MOK: variants seen among roughly 807,000 people sequenced by gnomAD.
The protein encoded by MOK is MOK protein kinase, also known as MAPK/MAK/MRK overlapping kinase.
A neutral mutation model predicts 54.2 loss-of-function variants in MOK; 59 were observed. The observed-to-expected ratio is 1.09, with a 90% CI of 0.88 to 1.35. The LOEUF (loss-of-function observed/expected upper bound fraction) is 1.35, where lower values mean the gene tolerates loss of function less well. MOK is among the 40% of genes most tolerant of loss of function. The pLI, the probability that MOK is intolerant of heterozygous loss-of-function variation, is 0.00. For missense variants in MOK, 517 were observed against 526.2 expected (o/e 0.98, Z 0.17); for synonymous variants, 210 against 202.7 (o/e 1.04, Z -0.31).
rs376147107 is a variant in MOK, at chr14:102,231,665, C to T, written c.981+42G>A. 6.4e-5 allele frequency: 101 copies of T among 1,577,882 alleles called. No homozygotes were observed. Among genetic ancestry groups the T allele is most frequent in the Non-Finnish European group, 7.6e-5 (87 of 1,150,778 alleles). On this transcript the variant is annotated intron_variant, in intron 10 of 11. Transcript: ENST00000361847. This position sits in a 1 kb window ranked among gnomAD's most constrained non-coding sequence, Gnocchi z 4.4. ...CAGGCCACCCGAGGGCATCCAGTCC[C>T]GGCTGAGCTAGGCAGTCTCCGGCTC...
downstream of MOK, chr14:102,222,723 T>A: frequency 8.3e-7 from 1 of 1,204,440 alleles, no homozygotes; most frequent in South Asian, 1.2e-5. This position sits in a 1 kb window ranked among gnomAD's most constrained non-coding sequence, Gnocchi z 4.4. Context: ...GGCTTCCACA[T>A]CAACAGCACC....
At chr14:102,246,020 T>C (rs2066064166) in intron 7 of MOK, 1 of 152,522 alleles carries the variant, frequency 6.6e-6, no homozygotes, top group African/African-American at 2.4e-5. Flanking sequence ...ATGGAAACAC[T>C]CTATTACACC....
At position 102,231,480 on chromosome 14, in the gene MOK, C is replaced by A. The variant is rs1251026893; in HGVS notation, c.981+227G>T. On this transcript the variant is annotated intron_variant, in intron 10 of 11. Transcript: ENST00000361847. This position sits in a 1 kb window ranked among gnomAD's most constrained non-coding sequence, Gnocchi z 4.4. ...GGGCCTGCTCACATGGGATATTCGT[C>A]ATCAATTCTTAGCTACTGGGGCAGA... 2.0e-6 allele frequency: 1 copy of A among 507,288 alleles called. No individual in the cohort carries two copies. The highest frequency in any genetic ancestry group is 3.5e-6 in the Non-Finnish European group (1 of 282,436). The allele number at this position is 507,288 out of a possible 1,614,324, so 31.4% of individuals were successfully genotyped here. A position where few individuals can be genotyped will look rare whatever the true frequency, so the allele number is the denominator to read the frequency against.
Position 102,229,521 on chromosome 14 carries a change from C to A in MOK, c.1118G>T (p.Gly373Val), listed in dbSNP as rs755452949. The change falls in exon 11 of 12, where the codon GGA (glycine) becomes GTA (valine). Residue 373 changes from glycine to valine, a missense_variant. Physicochemically the swap from Gly to Val is moderately radical, Grantham distance 109. Transcript: ENST00000361847. Reference protein sequence around the residue: ...YSSPTLQSVLGSGTNGRVPVL... With the variant: ...YSSPTLQSVLVSGTNGRVPVL... ...CGGCACTCTTCCATTTGTTCCAGATCCAAGCACGGACTGCAGCGTGGGGCT... is the reference window on the plus strand; with the variant it reads ...CGGCACTCTTCCATTTGTTCCAGATACAAGCACGGACTGCAGCGTGGGGCT... 6.2e-7 allele frequency: 1 copy of A among 1,614,152 alleles called. No individual in the cohort carries two copies. Among genetic ancestry groups the A allele is most frequent in the South Asian group, 1.1e-5 (1 of 91,066 alleles).
chr14:102,265,284 G>A (rs574963561), intron 3 of MOK, among the ~76,000 whole-genome samples: 4 of 152,178 alleles, frequency 2.6e-5, no homozygotes, highest in South Asian at 2.1e-4. Flanking sequence ...TTTGCATGAC[G>A]GATGCTTTTA....
intron 2 of MOK, among the ~76,000 whole-genome samples, chr14:102,279,935 G>C (rs918226664): frequency 6.6e-6 from 1 of 151,940 alleles, no homozygotes; most frequent in Non-Finnish European, 1.5e-5. Flanking sequence ...GGGGGTAGGG[G>C]TCAGAGGCTC....
intron 1 of MOK, among the ~76,000 whole-genome samples, chr14:102,293,628 G>A (rs767315140): frequency 2.5e-4 from 37 of 148,610 alleles, no homozygotes; most frequent in Admixed American, 1.4e-3. Context: ...AACCCAGGAG[G>A]CGGAGGTTGC....
intron 1 of MOK, among the ~76,000 whole-genome samples, chr14:102,289,641 C>T (rs1418333270): frequency 6.6e-6 from 1 of 152,022 alleles, no homozygotes; most frequent in Non-Finnish European, 1.5e-5. Context: ...AGGTGTGTGC[C>T]ACCATACCAA....
chr14:102,236,197 G>A lies in MOK; in HGVS notation c.591-2408C>T, dbSNP rs2065207163. Among the ~76,000 whole-genome samples the A allele has an allele frequency of 6.6e-6, 1 of 152,194 alleles. No homozygotes were observed. The highest frequency in any genetic ancestry group is 2.4e-5 in the African/African-American group (1 of 41,446). ...GTGAAGAACCGCTTGCATTCCCGCA[G>A]CTCCTCAGCCTAGCCGCTGAGGACT... is the stretch of plus-strand genomic sequence containing the variant. On this transcript the variant is annotated intron_variant, in intron 7 of 11. Transcript: ENST00000361847. The surrounding 1 kb of genome is among the most constrained non-coding windows in gnomAD (Gnocchi z 4.5).
Position 102,232,067 on chromosome 14 carries a change from A to G in MOK, c.867-246T>C. The G allele has an allele frequency of 2.3e-6, 1 of 440,820 alleles. No individual in the cohort carries two copies. Among genetic ancestry groups the G allele is most frequent in the East Asian group, 3.5e-5 (1 of 28,352 alleles). 27.3% of individuals were successfully genotyped at this position (440,820 alleles called of 1,614,324 possible). A position where few individuals can be genotyped will look rare whatever the true frequency, so the allele number is the denominator to read the frequency against. On this transcript the variant is annotated intron_variant, in intron 9 of 11. Transcript: ENST00000361847. The surrounding 1 kb of genome is among the most constrained non-coding windows in gnomAD (Gnocchi z 5.1). ...ACCCAGGGACTCGCAGTTTCAGATCAAACTGTCACCTCCACAGTTAGGCAA... is the reference window on the plus strand; with the variant it reads ...ACCCAGGGACTCGCAGTTTCAGATCGAACTGTCACCTCCACAGTTAGGCAA...
intron 6 of MOK, 86 bp downstream of exon 6, chr14:102,251,670 C>A: frequency 9.3e-7 from 1 of 1,075,308 alleles, no homozygotes; most frequent in South Asian, 1.3e-5. Flanking sequence ...ACTGAAAGTT[C>A]CTCTGGTAGG....
At chr14:102,257,775 G>A (rs916845277) in intron 4 of MOK, among the ~76,000 whole-genome samples, 5 of 152,166 alleles carry the variant, frequency 3.3e-5, no homozygotes, top group Admixed American at 1.3e-4. Context: ...TCAAGAGATC[G>A]AGACCATCCT....
intron 1 of MOK, among the ~76,000 whole-genome samples, chr14:102,283,806 G>A (rs185774189): frequency 4.5e-4 from 69 of 152,212 alleles, no homozygotes; most frequent in African/African-American, 1.7e-3. Flanking sequence ...CCCTTGTATA[G>A]CAGGAACCAC....
chr14:102,217,036 A>G, the MOK span, among the ~76,000 whole-genome samples: 1 of 152,202 alleles, frequency 6.6e-6, no homozygotes, highest in Non-Finnish European at 1.5e-5. Flanking sequence ...AGAGGCTCTC[A>G]GCTCCCTACC....
At chr14:102,243,290 A>T (rs2065854441) in intron 7 of MOK, among the ~76,000 whole-genome samples, 1 of 152,160 alleles carries the variant, frequency 6.6e-6, no homozygotes, top group Non-Finnish European at 1.5e-5. Context: ...CGTTCCTTAA[A>T]AACAGCCCTG....
chr14:102,229,652 CTG>C lies in MOK; in HGVS notation c.985_986del (p.Gln329ValfsTer73). ...QISKEGRKQK[Q>X]SLKQEEDRPK... ...GACGGTCCTCCTCTTGCTTTAGGGA[CTG>C]TTTCTTGAAACAGAACAGAGGCCAG... On this transcript the variant is annotated frameshift_variant, in exon 11 of 12. Transcript: ENST00000361847. LOFTEE classifies it high-confidence loss of function. 2 of 1,606,974 alleles carry C rather than the reference CTG, an allele frequency of 1.2e-6. No homozygotes were observed. Among genetic ancestry groups the C allele is most frequent in the Non-Finnish European group, 1.7e-6 (2 of 1,175,916 alleles).
At chr14:102,297,313 A>T (rs184035624) in intron 1 of MOK, among the ~76,000 whole-genome samples, 1 of 152,302 alleles carries the variant, frequency 6.6e-6, no homozygotes, top group East Asian at 1.9e-4. Flanking sequence ...AGCCAAGATT[A>T]CGTCACTGCA....
chr14:102,298,853 G>A (rs1460909863), intron 1 of MOK, among the ~76,000 whole-genome samples: 1 of 152,170 alleles, frequency 6.6e-6, no homozygotes, highest in Admixed American at 6.5e-5. Context: ...CTCTCCTGAG[G>A]CCAGCAAGAC....
intron 4 of MOK, among the ~76,000 whole-genome samples, chr14:102,263,278 A>G (rs1049332254): frequency 3.3e-5 from 5 of 152,108 alleles, no homozygotes; most frequent in Non-Finnish European, 7.4e-5. Flanking sequence ...GGCGCTCTGC[A>G]GCAGAGCTGC....
Sources: allele counts gnomAD v4.1 joint callset (sites outside exome capture counted in the v4.1 genomes callset), GRCh38; gene constraint gnomAD v4.1.1; non-coding constraint Gnocchi (gnomAD v3.1); transcripts MANE v1.5; gene names NCBI Gene and HGNC (gene_info 2026-07-23, HGNC 2026-07-21).